Variants in SCFD2 observed in about 807,000 individuals in gnomAD.
SCFD2 encodes the protein sec1 family domain-containing protein 2.
A neutral mutation model predicts 58.9 loss-of-function variants in SCFD2; 54 were observed. The observed-to-expected ratio is 0.92, with a 90% CI of 0.74 to 1.15. SCFD2 has a LOEUF of 1.15. Ranked by LOEUF, SCFD2 falls within the 50% of genes most tolerant of loss-of-function variation. SCFD2 has a pLI of 0.00. For missense variants in SCFD2, 805 were observed against 836.6 expected, an observed-to-expected ratio of 0.96 and a Z score of 0.47; for synonymous variants, 321 against 335.9, an observed-to-expected ratio of 0.96 and a Z score of 0.49.
chr4:52,926,144 C>G (rs1043712524), intron 5 of SCFD2, among the ~76,000 whole-genome samples: 2 of 152,130 alleles, frequency 1.3e-5, no homozygotes, highest in Non-Finnish European at 1.5e-5. Flanking sequence ...TCTGGGATGG[C>G]TGAAATGAAG....
rs146595901 is a variant in SCFD2 at position 53,236,451 on chromosome 4, G to GATATATAT, written c.1311+37367_1311+37374dup. On this transcript the variant is annotated intron_variant, in intron 4 of 8. Transcript: ENST00000401642. ...GATATATATATCACACATATATAAG[G>GATATATAT]ATATATATATATATATATCCCATTA... Among the ~76,000 whole-genome samples, 244 of 144,618 alleles carry GATATATAT rather than the reference G, an allele frequency of 1.7e-3. 1 individual carries two copies. The highest frequency in any genetic ancestry group is 6.8e-3 in the South Asian group (31 of 4,568). 94.9% of individuals were successfully genotyped at this position (144,618 alleles called of 152,430 possible).
At chr4:53,155,592 C>T (rs1259079902) in intron 4 of SCFD2, among the ~76,000 whole-genome samples, 1 of 152,194 alleles carries the variant, frequency 6.6e-6, no homozygotes, top group Non-Finnish European at 1.5e-5. Flanking sequence ...CAATAACATG[C>T]ATGAACAGGC....
intron 4 of SCFD2, among the ~76,000 whole-genome samples, chr4:53,213,364 G>A (rs1372530998): frequency 1.3e-5 from 2 of 152,052 alleles, no homozygotes; most frequent in Non-Finnish European, 2.9e-5. Flanking sequence ...CTTTGTAATA[G>A]AGTAGAAAAA....
At chr4:53,135,052 G>T (rs1344285994) in intron 5 of SCFD2, among the ~76,000 whole-genome samples, 1 of 151,686 alleles carries the variant, frequency 6.6e-6, no homozygotes, top group Non-Finnish European at 1.5e-5. Flanking sequence ...ACTTAAGCCA[G>T]ATTAAAATGT....
At chr4:53,048,738 C>G (rs1723108100) in intron 5 of SCFD2, among the ~76,000 whole-genome samples, 1 of 152,184 alleles carries the variant, frequency 6.6e-6, no homozygotes. Context: ...CCTGGGTCAT[C>G]TGGCTCCTGC....
chr4:53,207,768 T>G (rs2148976510), intron 4 of SCFD2, among the ~76,000 whole-genome samples: 2 of 146,172 alleles, frequency 1.4e-5, no homozygotes, highest in South Asian at 2.3e-4. Flanking sequence ...CACCTCCTCC[T>G]TCTCTCTTCT....
At chr4:53,190,157 T>G (rs1483834660) in intron 4 of SCFD2, among the ~76,000 whole-genome samples, 4 of 152,178 alleles carry the variant, frequency 2.6e-5, no homozygotes, top group Admixed American at 2.6e-4. Flanking sequence ...CTCCTTAGCC[T>G]TATCTTCAAC....
At chr4:53,006,098 C>A (rs1055398649) in intron 5 of SCFD2, among the ~76,000 whole-genome samples, 13 of 152,200 alleles carry the variant, frequency 8.5e-5, no homozygotes, top group Admixed American at 2.6e-4. Context: ...AAAAGCATGT[C>A]ATGCATCCCT....
intron 5 of SCFD2, among the ~76,000 whole-genome samples, chr4:52,926,307 T>A (rs1219292438): frequency 6.6e-6 from 1 of 152,004 alleles, no homozygotes; most frequent in Non-Finnish European, 1.5e-5. Context: ...AAATAAAACA[T>A]CTTTCATCAG....
intron 5 of SCFD2, among the ~76,000 whole-genome samples, chr4:53,028,246 C>T (rs1722528136): frequency 6.7e-6 from 1 of 149,792 alleles, no homozygotes; most frequent in Admixed American, 6.7e-5. Flanking sequence ...GACCCTGTCT[C>T]AAAAAATAAA....
At chr4:53,205,688 T>C (rs1328443761) in intron 4 of SCFD2, among the ~76,000 whole-genome samples, 1 of 151,742 alleles carries the variant, frequency 6.6e-6, no homozygotes. Flanking sequence ...TGAAACCCCA[T>C]CTCTACTAAA....
chr4:53,211,554 T>C (rs1205890795), intron 4 of SCFD2, among the ~76,000 whole-genome samples: 1 of 152,078 alleles, frequency 6.6e-6, no homozygotes, highest in Non-Finnish European at 1.5e-5. Context: ...GACTGATGTG[T>C]TTGGGATGGG....
rs58488621 is a variant in SCFD2 at position 53,324,374 on chromosome 4, T to C, written c.1008-10611A>G. On this transcript the variant is annotated intron_variant, in intron 2 of 8. Transcript: ENST00000401642. ...TTGAGGCTACAATGAGCTATGATCA[T>C]ACCAGTTCACTTCAGCCTGGGTGAC... 8.7e-3 allele frequency among the ~76,000 whole-genome samples: 1,148 copies of C among 132,080 alleles called. 17 individuals carry two copies. Among genetic ancestry groups the C allele is most frequent in the African/African-American group, 0.031 (1,085 of 34,456 alleles). The allele number at this position is 132,080 out of a possible 152,430, so 86.6% of individuals were successfully genotyped here.
chr4:52,880,276 T>A (rs1718575285), intron 8 of SCFD2, among the ~76,000 whole-genome samples: 1 of 151,638 alleles, frequency 6.6e-6, no homozygotes, highest in African/African-American at 2.4e-5. Context: ...TCTTAAGTTG[T>A]GTGCAAAACT....
intron 4 of SCFD2, among the ~76,000 whole-genome samples, chr4:53,201,917 G>A (rs967883042): frequency 6.6e-6 from 1 of 152,100 alleles, no homozygotes; most frequent in African/African-American, 2.4e-5. Context: ...TGTAGATTCT[G>A]GATATTAGCC....
intron 4 of SCFD2, among the ~76,000 whole-genome samples, chr4:53,167,870 T>A (rs1461022242): frequency 6.6e-6 from 1 of 152,198 alleles, no homozygotes; most frequent in African/African-American, 2.4e-5. Flanking sequence ...TATTTTATTT[T>A]CTGAAAAACA....
intron 4 of SCFD2, among the ~76,000 whole-genome samples, chr4:53,243,709 A>AG (rs1027328705): frequency 2.6e-5 from 4 of 152,094 alleles, no homozygotes; most frequent in African/African-American, 7.2e-5. Context: ...AAAAAAAGAG[A>AG]GAAAAAAAAG....
intron 4 of SCFD2, among the ~76,000 whole-genome samples, chr4:53,162,030 G>A (rs4864448): frequency 0.98 from 148,781 of 152,272 alleles, 72,790 homozygotes; most frequent in Middle Eastern, 1. Context: ...TACTTCTCCA[G>A]CCAGTGCCAA....
At chr4:53,312,052 A>G (rs1471946630) in intron 3 of SCFD2, among the ~76,000 whole-genome samples, 22 of 152,200 alleles carry the variant, frequency 1.4e-4, no homozygotes, top group Non-Finnish European at 2.9e-4. Flanking sequence ...AGAGAAGGGG[A>G]TGGGAGATGG....
Sources: allele counts gnomAD v4.1 joint callset (sites outside exome capture counted in the v4.1 genomes callset), GRCh38; gene constraint gnomAD v4.1.1; transcripts MANE v1.5; gene names NCBI Gene and HGNC (gene_info 2026-07-23, HGNC 2026-07-21).